Variants in MTUS2 observed in about 807,000 individuals in gnomAD.
The protein encoded by MTUS2 is microtubule-associated tumor suppressor candidate 2.
A neutral mutation model predicts 114.1 loss-of-function variants in MTUS2; 40 were observed. The ratio of observed to expected loss-of-function variants is 0.35; its 90% CI spans 0.27 to 0.46. The LOEUF (loss-of-function observed/expected upper bound fraction) is 0.46, where lower values mean the gene tolerates loss of function less well. Ranked by LOEUF, MTUS2 falls within the 20% of genes least tolerant of loss-of-function variation. The pLI, the probability that MTUS2 is intolerant of heterozygous loss-of-function variation, is 1.00. For missense variants in MTUS2, 1,679 were observed against 1,705.4 expected, an observed-to-expected ratio of 0.98 and a Z score of 0.27; for synonymous variants, 688 against 672.0, an observed-to-expected ratio of 1.02 and a Z score of -0.37.
intron 2 of MTUS2, among the ~76,000 whole-genome samples, chr13:28,877,201 C>T (rs1320615762): frequency 6.7e-6 from 1 of 150,332 alleles, no homozygotes; most frequent in Non-Finnish European, 1.5e-5. Context: ...ACCTGTAGTC[C>T]CAGCTACTCA....
At chr13:29,412,103 A>T (rs546578955) in intron 8 of MTUS2, among the ~76,000 whole-genome samples, 2 of 152,334 alleles carry the variant, frequency 1.3e-5, no homozygotes, top group South Asian at 4.1e-4. Context: ...GGCTTATACC[A>T]CTAGTATGAT....
At chr13:29,180,460 A>ACAT (rs894568513) in intron 5 of MTUS2, among the ~76,000 whole-genome samples, 37 of 152,246 alleles carry the variant, frequency 2.4e-4, no homozygotes, top group African/African-American at 8.9e-4. Flanking sequence ...TGTAAATCTT[A>ACAT]CATAGGCAAA....
intron 9 of MTUS2, among the ~76,000 whole-genome samples, chr13:29,447,174 A>G (rs181538165): frequency 1.3e-5 from 2 of 152,314 alleles, no homozygotes; most frequent in East Asian, 3.9e-4. Flanking sequence ...CAGATAAGGT[A>G]TACTCAACAT....
intron 5 of MTUS2, among the ~76,000 whole-genome samples, chr13:29,279,907 T>C (rs1898203144): frequency 6.6e-6 from 1 of 152,244 alleles, no homozygotes; most frequent in South Asian, 2.1e-4. Flanking sequence ...TAAGAAATTT[T>C]CATAAACTGT....
intron 8 of MTUS2, among the ~76,000 whole-genome samples, chr13:29,420,983 T>G (rs973729136): frequency 1.3e-5 from 2 of 152,160 alleles, no homozygotes; most frequent in African/African-American, 2.4e-5. Flanking sequence ...AGAAGTGAAA[T>G]TTTTTTAGTT....
chr13:29,200,590 A>C (rs977984274), intron 5 of MTUS2, among the ~76,000 whole-genome samples: 1 of 125,818 alleles, frequency 7.9e-6, no homozygotes, highest in African/African-American at 3.1e-5. Context: ...GTGTGATCTC[A>C]GCTCACTGCA....
intron 7 of MTUS2, among the ~76,000 whole-genome samples, chr13:29,353,017 C>A (rs1211420744): frequency 1.3e-5 from 2 of 152,118 alleles, no homozygotes; most frequent in Non-Finnish European, 2.9e-5. Context: ...CTGTCCCTGT[C>A]TAGTAATTCT....
intron 1 of MTUS2, among the ~76,000 whole-genome samples, chr13:28,837,784 G>A (rs1027624529): frequency 6.6e-6 from 1 of 151,634 alleles, no homozygotes; most frequent in East Asian, 1.9e-4. Flanking sequence ...GTTACAATTA[G>A]TACTATCACT....
intron 5 of MTUS2, among the ~76,000 whole-genome samples, chr13:29,120,550 T>C (rs1891266155): frequency 6.6e-6 from 1 of 152,128 alleles, no homozygotes; most frequent in African/African-American, 2.4e-5. Flanking sequence ...TTTGCTTATA[T>C]TTTCTAAACA....
chr13:29,166,145 G>A (rs1475698697), intron 5 of MTUS2, among the ~76,000 whole-genome samples: 1 of 152,190 alleles, frequency 6.6e-6, no homozygotes, highest in African/African-American at 2.4e-5. Flanking sequence ...ATTCTAAGTA[G>A]AATGAGGACA....
intron 2 of MTUS2, among the ~76,000 whole-genome samples, chr13:29,012,936 A>G (rs531346248): frequency 1.5e-4 from 23 of 152,272 alleles, no homozygotes; most frequent in Admixed American, 1.4e-3. Context: ...AGCAGAGGCT[A>G]TGAAGCAACC....
chr13:29,081,079 C>T (rs1565997370), intron 4 of MTUS2, among the ~76,000 whole-genome samples: 1 of 152,142 alleles, frequency 6.6e-6, no homozygotes, highest in African/African-American at 2.4e-5. Flanking sequence ...TAAAGCAGGG[C>T]AGTCCTCTCA....
chr13:28,978,260 C>G (rs1884207023), intron 2 of MTUS2, among the ~76,000 whole-genome samples: 1 of 152,136 alleles, frequency 6.6e-6, no homozygotes, highest in African/African-American at 2.4e-5. Context: ...TTAAGATCTT[C>G]TTACATCAAA....
intron 5 of MTUS2, among the ~76,000 whole-genome samples, chr13:29,130,233 C>T (rs904410502): frequency 1.3e-5 from 2 of 152,116 alleles, no homozygotes; most frequent in Non-Finnish European, 2.9e-5. Flanking sequence ...CCAAAATCTC[C>T]AGCTCTTTCT....
chr13:29,222,853 C>G (rs1895960993), intron 5 of MTUS2, among the ~76,000 whole-genome samples: 1 of 152,228 alleles, frequency 6.6e-6, no homozygotes, highest in South Asian at 2.1e-4. Flanking sequence ...AAGTTGTGGC[C>G]AATCCCCAGT....
At position 29,015,867 on chromosome 13, in the gene MTUS2, T is replaced by C. The variant is rs565511170; in HGVS notation, c.-242-8590T>C. On this transcript the variant is annotated intron_variant, in intron 2 of 15. Coordinates refer to ENST00000612955, the MANE Select transcript of MTUS2 (RefSeq NM_001033602.4). ...AAAACAAAAAAACAAAAATACTATA[T>C]TTTTACTTTTTCTTTTTTTTATAGC... Among the ~76,000 whole-genome samples the C allele has an allele frequency of 1.1e-4, 17 of 152,168 alleles. No individual in the cohort carries two copies. In the South Asian group the frequency reaches 1.9e-3, roughly 17 times the overall value.
chr13:29,435,632 G>A (rs969848978), intron 8 of MTUS2, among the ~76,000 whole-genome samples: 46 of 152,184 alleles, frequency 3.0e-4, no homozygotes, highest in African/African-American at 1.1e-3. Flanking sequence ...ATTCCTTTAA[G>A]TTCACTCTTG....
chr13:28,903,044 T>C (rs936528841), intron 2 of MTUS2, among the ~76,000 whole-genome samples: 1 of 152,120 alleles, frequency 6.6e-6, no homozygotes, highest in Non-Finnish European at 1.5e-5. Context: ...GATTGAGTTG[T>C]GGTAATTTGC....
At chr13:29,487,871 T>C in intron 10 of MTUS2, 29 bp from the exon 11 acceptor site, 1 of 1,553,970 alleles carries the variant, frequency 6.4e-7, no homozygotes, top group Middle Eastern at 1.7e-4. Flanking sequence ...CAGCTCTCTG[T>C]CTAACCAGTA....
Sources: gnomAD v4.1 joint callset for allele counts (sites outside exome capture counted in the v4.1 genomes callset) on GRCh38, gnomAD v4.1.1 for gene constraint, MANE v1.5 for transcripts, NCBI Gene and HGNC (gene_info 2026-07-23, HGNC 2026-07-21) for gene names.